Variants in CSMD3 observed in about 807,000 individuals in gnomAD.
CSMD3 encodes CUB and Sushi multiple domains 3.
CSMD3 carries 177 observed loss-of-function variants against 435.2 expected under a neutral mutation model. The observed-to-expected ratio is 0.41, with a 90% confidence interval of 0.36 to 0.46. CSMD3 has a LOEUF of 0.46. Among genes scored for constraint, CSMD3 ranks in the 20% least tolerant of loss-of-function variants. The pLI is 0.34. For missense variants in CSMD3, 4,265 were observed against 4,504.6 expected, an observed-to-expected ratio of 0.95 and a Z score of 1.52; for synonymous variants, 1,656 against 1,520.5, an observed-to-expected ratio of 1.09 and a Z score of -2.07.
At chr8:113,072,443 A>G (rs951950351) in intron 5 of CSMD3, among the ~76,000 whole-genome samples, 1 of 151,416 alleles carries the variant, frequency 6.6e-6, no homozygotes, top group Non-Finnish European at 1.5e-5. Flanking sequence ...TCTTTCATAT[A>G]TGGTCTTTAT....
chr8:113,298,619 G>C (rs2093739974), intron 2 of CSMD3, among the ~76,000 whole-genome samples: 1 of 152,086 alleles, frequency 6.6e-6, no homozygotes. Context: ...CCAAAGACAA[G>C]AGAAGAAAAC....
chr8:113,286,242 C>T (rs963581832), intron 2 of CSMD3, among the ~76,000 whole-genome samples: 1 of 151,966 alleles, frequency 6.6e-6, no homozygotes, highest in Non-Finnish European at 1.5e-5. Flanking sequence ...TGAAAACATT[C>T]TTGAAATATT....
intron 10 of CSMD3, among the ~76,000 whole-genome samples, chr8:112,876,911 C>T (rs1478243274): frequency 6.6e-6 from 1 of 152,146 alleles, no homozygotes; most frequent in Admixed American, 6.6e-5. Flanking sequence ...TCAGAAAAAT[C>T]TCAGGATACA....
At chr8:113,139,899 G>C (rs761462113) in intron 4 of CSMD3, among the ~76,000 whole-genome samples, 6 of 151,020 alleles carry the variant, frequency 4.0e-5, no homozygotes, top group African/African-American at 1.5e-4. Flanking sequence ...TGGAAAACAA[G>C]AGTGGCTATA....
chr8:112,294,996 C>T (rs1201339556), intron 54 of CSMD3, among the ~76,000 whole-genome samples: 1 of 151,912 alleles, frequency 6.6e-6, no homozygotes, highest in East Asian at 1.9e-4. Context: ...TTGGTGTACC[C>T]ATCACCTGAG....
chr8:113,149,616 G>T (rs1427522627), intron 4 of CSMD3, among the ~76,000 whole-genome samples: 1 of 151,858 alleles, frequency 6.6e-6, no homozygotes, highest in Non-Finnish European at 1.5e-5. Flanking sequence ...ATGTCAACCA[G>T]ACCCAAGTCT....
chr8:113,047,392 T>C (rs2087881912), intron 5 of CSMD3, among the ~76,000 whole-genome samples: 1 of 152,242 alleles, frequency 6.6e-6, no homozygotes, highest in African/African-American at 2.4e-5. Context: ...TTCTAATATT[T>C]CATTTGTTTT....
chr8:113,419,804 G>T (rs2129926691), intron 1 of CSMD3, among the ~76,000 whole-genome samples: 1 of 151,588 alleles, frequency 6.6e-6, no homozygotes, highest in African/African-American at 2.4e-5. Context: ...CCATTAGAAT[G>T]AATTCTGAAT....
At chr8:113,136,931 A>C (rs2091432206) in intron 4 of CSMD3, among the ~76,000 whole-genome samples, 1 of 151,746 alleles carries the variant, frequency 6.6e-6, no homozygotes, top group Non-Finnish European at 1.5e-5. Context: ...TGGAAGAAGA[A>C]ATATTCTCTG....
chr8:112,754,553 C>T (rs1056318514), intron 13 of CSMD3, among the ~76,000 whole-genome samples: 13 of 151,952 alleles, frequency 8.6e-5, no homozygotes, highest in African/African-American at 2.9e-4. Context: ...ATTTAGGCAA[C>T]AAGGATTAAT....
At chr8:112,654,018 T>TAA (rs554334866) in intron 18 of CSMD3, among the ~76,000 whole-genome samples, 1 of 140,238 alleles carries the variant, frequency 7.1e-6, no homozygotes, top group Non-Finnish European at 1.6e-5. Context: ...TAGAATGGGG[T>TAA]AAAAAAAAAG....
chr8:112,325,996 T>C (rs1823473487), intron 45 of CSMD3, among the ~76,000 whole-genome samples: 1 of 152,130 alleles, frequency 6.6e-6, no homozygotes, highest in African/African-American at 2.4e-5. Context: ...TGACATCAAA[T>C]TGGGTTTCTA....
chr8:113,275,672 C>T (rs1250386099), intron 3 of CSMD3, among the ~76,000 whole-genome samples: 1 of 151,814 alleles, frequency 6.6e-6, no homozygotes, highest in African/African-American at 2.4e-5. Context: ...ATGAGATTTA[C>T]ACATTAGGAT....
At chr8:113,335,516 G>C (rs1290577560) in intron 1 of CSMD3, among the ~76,000 whole-genome samples, 1 of 121,460 alleles carries the variant, frequency 8.2e-6, no homozygotes, top group African/African-American at 3.2e-5. Context: ...CCTTGCTCTG[G>C]ATTTAGCTCT....
intron 32 of CSMD3, among the ~76,000 whole-genome samples, chr8:112,464,672 GT>G (rs1269064845): frequency 6.6e-6 from 1 of 152,100 alleles, no homozygotes; most frequent in Non-Finnish European, 1.5e-5. Context: ...AACTTATAAT[GT>G]AAAAATATGA....
chr8:113,054,597 C>T (rs905997410), intron 5 of CSMD3, among the ~76,000 whole-genome samples: 1 of 152,076 alleles, frequency 6.6e-6, no homozygotes. Context: ...TTCAATCATT[C>T]CCACTAGTTT....
chr8:113,127,199 A>T (rs2091158141), intron 4 of CSMD3, among the ~76,000 whole-genome samples: 1 of 152,072 alleles, frequency 6.6e-6, no homozygotes, highest in South Asian at 2.1e-4. Flanking sequence ...ATTTGTTGAA[A>T]GGAGATTGCG....
chr8:113,093,001 CA>C (rs2090054128), intron 5 of CSMD3, among the ~76,000 whole-genome samples: 1 of 152,008 alleles, frequency 6.6e-6, no homozygotes, highest in African/African-American at 2.4e-5. Flanking sequence ...CATGTAAAAG[CA>C]GATTATCAAT....
At chr8:113,041,683 T>C (rs1338479377) in intron 5 of CSMD3, among the ~76,000 whole-genome samples, 1 of 151,930 alleles carries the variant, frequency 6.6e-6, no homozygotes, top group African/African-American at 2.4e-5. Context: ...ATTGTCTTCC[T>C]TTTTAAACTT....
Sources: allele counts gnomAD v4.1 joint callset (sites outside exome capture counted in the v4.1 genomes callset), GRCh38; gene constraint gnomAD v4.1.1; transcripts MANE v1.5; gene names NCBI Gene and HGNC (gene_info 2026-07-23, HGNC 2026-07-21).